SNX9: variants seen among roughly 807,000 people sequenced by gnomAD.
The protein encoded by SNX9 is sorting nexin-9.
SNX9 carries 44 observed loss-of-function variants against 89.4 expected under a neutral mutation model. The ratio of observed to expected loss-of-function variants is 0.49; its 90% CI spans 0.39 to 0.63. The LOEUF is 0.63. SNX9 is among the 30% of genes least tolerant of loss of function. The pLI is 0.00. For missense variants in SNX9, 578 were observed against 736.1 expected (o/e 0.79, Z 2.49); for synonymous variants, 236 against 247.8 (o/e 0.95, Z 0.45).
chr6:157,910,096 C>A, intron 9 of SNX9, 71 bp downstream of exon 9: 1 of 1,191,878 alleles, frequency 8.4e-7, no homozygotes, highest in Non-Finnish European at 1.3e-6. Flanking sequence ...TCCTGTAAGT[C>A]AGTGATGGCA....
In SNX9 at chr6:157,936,044, C is replaced by T. The variant is rs780903116; in HGVS notation, c.1443+4C>T. 80 of 1,604,140 alleles carry T rather than the reference C, an allele frequency of 5.0e-5. No individual in the cohort carries two copies. In the Middle Eastern group the frequency reaches 1.2e-3, roughly 23 times the overall value. ...TGCCAGTCTCGTGGCAGAACAGGTA[C>T]TAACATAATCACACAATTCCAATTA... is the stretch of plus-strand genomic sequence containing the variant. On this transcript the variant is annotated splice_donor_region_variant and intron_variant, in intron 14 of 17. Transcript: ENST00000392185.
intron 17 of SNX9, 100 bp downstream of exon 17, chr6:157,941,074 CTAAG>C (rs1784026719): frequency 5.6e-6 from 6 of 1,064,402 alleles, no homozygotes; most frequent in Non-Finnish European, 8.4e-6. Flanking sequence ...TTCTTTAATC[CTAAG>C]TAATAAACCA....
intron 4 of SNX9, among the ~76,000 whole-genome samples, chr6:157,880,358 T>G (rs908077327): frequency 6.6e-5 from 10 of 152,246 alleles, no homozygotes; most frequent in African/African-American, 2.4e-4. Flanking sequence ...CTTACCCTTT[T>G]GTGTTCCAGC....
At position 157,921,526 on chromosome 6, in the gene SNX9, TGCAG is replaced by T; in HGVS notation, c.950-2_951del. On this transcript the variant is annotated splice_acceptor_variant and splice_polypyrimidine_tract_variant and intron_variant, in intron 9 of 17. Coordinates refer to ENST00000392185, the MANE Select transcript of SNX9 (RefSeq NM_016224.5). LOFTEE classifies it high-confidence loss of function. ...TGTATGTCATTCTTGGTGTGTCGCT[TGCAG>T]GCCGCTTTGAAGAGGAATTTATCAA... is the stretch of plus-strand genomic sequence containing the variant. 1 of 1,612,974 alleles carries T rather than the reference TGCAG, an allele frequency of 6.2e-7. No individual in the cohort carries two copies. Among genetic ancestry groups the T allele is most frequent in the Non-Finnish European group, 8.5e-7 (1 of 1,179,140 alleles).
At chr6:157,936,836 G>C (rs1783935652) in intron 14 of SNX9, among the ~76,000 whole-genome samples, 1 of 152,138 alleles carries the variant, frequency 6.6e-6, no homozygotes, top group African/African-American at 2.4e-5. Context: ...CAGATAATAA[G>C]TTCCCTTAAG....
intron 9 of SNX9, among the ~76,000 whole-genome samples, chr6:157,920,216 C>A (rs1160958718): frequency 6.6e-6 from 1 of 152,222 alleles, no homozygotes; most frequent in Non-Finnish European, 1.5e-5. Flanking sequence ...TGTACAGCCT[C>A]AGAGTTGACC....
intron 4 of SNX9, among the ~76,000 whole-genome samples, chr6:157,876,508 C>T (rs9295212): frequency 0.091 from 13,797 of 152,256 alleles, 670 homozygotes; most frequent in Non-Finnish European, 0.11. Flanking sequence ...TCACCATATA[C>T]TAACTGCAGG....
At chr6:157,842,537 G>C (rs988718970) in intron 1 of SNX9, among the ~76,000 whole-genome samples, 1 of 152,184 alleles carries the variant, frequency 6.6e-6, no homozygotes, top group Admixed American at 6.5e-5. Context: ...CAGTCTCCCC[G>C]AGCATTTGGG....
chr6:157,846,271 C>G (rs1022343020), intron 1 of SNX9, among the ~76,000 whole-genome samples: 3 of 152,202 alleles, frequency 2.0e-5, no homozygotes, highest in Non-Finnish European at 4.4e-5. Flanking sequence ...ACTTAACTCT[C>G]TTTGGCAGTC....
At chr6:157,856,523 C>G (rs924285176) in intron 1 of SNX9, among the ~76,000 whole-genome samples, 3 of 152,190 alleles carry the variant, frequency 2.0e-5, no homozygotes, top group African/African-American at 7.2e-5. Flanking sequence ...AAAATGAATA[C>G]TTTTAAATAT....
At chr6:157,879,131 C>T (rs1045830081) in intron 4 of SNX9, among the ~76,000 whole-genome samples, 3 of 152,192 alleles carry the variant, frequency 2.0e-5, no homozygotes, top group African/African-American at 7.2e-5. Flanking sequence ...ATTTACAATG[C>T]ATATCTCTAA....
At chr6:157,940,822 C>G (rs1784021044) in intron 16 of SNX9, 61 bp from the exon 17 acceptor site, 1 of 1,434,038 alleles carries the variant, frequency 7.0e-7, no homozygotes, top group East Asian at 2.3e-5. Context: ...AGCAGAGAAA[C>G]CAGGTGTTGT....
At chr6:157,850,614 G>A (rs563032544) in intron 1 of SNX9, among the ~76,000 whole-genome samples, 2 of 152,162 alleles carry the variant, frequency 1.3e-5, no homozygotes, top group African/African-American at 4.8e-5. Flanking sequence ...TTCTGAAGTT[G>A]GGGTAAAGGT....
At chr6:157,846,307 C>G (rs544068339) in intron 1 of SNX9, among the ~76,000 whole-genome samples, 1 of 152,340 alleles carries the variant, frequency 6.6e-6, no homozygotes, top group South Asian at 2.1e-4. Context: ...CTTAAGCCTA[C>G]ATTTGTGCTG....
At chr6:157,830,377 C>G (rs1391912515) in intron 1 of SNX9, 1 of 152,174 alleles carries the variant, frequency 6.6e-6, no homozygotes, top group African/African-American at 2.4e-5. Flanking sequence ...CCTTTGTTTT[C>G]TACTGGCTTT....
Position 157,896,902 on chromosome 6 carries a change from G to A in SNX9, c.376G>A (p.Gly126Arg), listed in dbSNP as rs768996507. The A allele has an allele frequency of 6.2e-7, 1 of 1,613,450 alleles. No individual in the cohort carries two copies. The highest frequency in any genetic ancestry group is 8.5e-7 in the Non-Finnish European group (1 of 1,179,850). ...SGNWESSEGW[G>R]AQPEGAGAQR... ...GAACTGGGAAAGCTCAGAAGGCTGG[G>A]GGGCCCAGCCAGAGGGGGCTGGAGC... is the stretch of plus-strand genomic sequence containing the variant. The change falls in exon 5 of 18, where the codon GGG (glycine) becomes AGG (arginine). Residue 126 changes from glycine to arginine, a missense_variant. Gly to Arg is a moderately radical substitution (Grantham distance 125, BLOSUM62 -2). Transcript: ENST00000392185.
At chr6:157,868,381 C>G (rs769992534) in intron 2 of SNX9, among the ~76,000 whole-genome samples, 20 of 152,186 alleles carry the variant, frequency 1.3e-4, no homozygotes, top group Non-Finnish European at 2.2e-4. Context: ...ATGTGTGTCT[C>G]TGCTTATATA....
chr6:157,906,063 A>G, intron 6 of SNX9, 65 bp from the exon 7 acceptor site: 1 of 1,366,274 alleles, frequency 7.3e-7, no homozygotes, highest in Admixed American at 2.0e-5. Context: ...GTAAATGTAG[A>G]CGAGAGTTGT....
intron 1 of SNX9, among the ~76,000 whole-genome samples, chr6:157,836,724 G>C (rs1781590325): frequency 6.6e-6 from 1 of 152,022 alleles, no homozygotes; most frequent in African/African-American, 2.4e-5. Context: ...CCAAGTAGCT[G>C]GGACTACAGG....
Sources: gnomAD v4.1 joint callset for allele counts (sites outside exome capture counted in the v4.1 genomes callset) on GRCh38, gnomAD v4.1.1 for gene constraint, MANE v1.5 for transcripts, NCBI Gene and HGNC (gene_info 2026-07-23, HGNC 2026-07-21) for gene names.